Variants in CYFIP1 observed in about 807,000 individuals in gnomAD.
The protein encoded by CYFIP1 is cytoplasmic FMR1-interacting protein 1.
Under a neutral mutation model 163.5 loss-of-function variants are expected in CYFIP1, and 58 were observed. The ratio of observed to expected loss-of-function variants is 0.35; its 90% CI spans 0.29 to 0.44. The LOEUF (loss-of-function observed/expected upper bound fraction) is 0.44. CYFIP1 is among the 20% of genes least tolerant of loss of function. The pLI, the probability that CYFIP1 is intolerant of heterozygous loss-of-function variation, is 1.00. For synonymous variants in CYFIP1, 663 were observed against 660.7 expected (o/e 1.00, Z -0.05); for missense variants, 1,338 against 1,653.8 (o/e 0.81, Z 3.31).
At chr15:22,923,810 G>T (rs560578746) in intron 13 of CYFIP1, among the ~76,000 whole-genome samples, 3 of 151,948 alleles carry the variant, frequency 2.0e-5, no homozygotes, top group Admixed American at 1.3e-4. Flanking sequence ...AGGCATGGTG[G>T]TTTGTGCCTG....
chr15:22,867,377 C>A lies in CYFIP1; in HGVS notation c.*2651G>T. On this transcript the variant is annotated 3_prime_UTR_variant, in exon 31 of 31. Transcript: ENST00000617928. ...ACTAAGTTACTGAATGAAGGAACCT[C>A]TTTCTTACAAAACAAAAAAAAGGGC... The A allele has an allele frequency of 2.6e-6, 1 of 391,260 alleles. No individual in the cohort carries two copies. Among genetic ancestry groups the A allele is most frequent in the Non-Finnish European group, 4.5e-6 (1 of 222,168 alleles). The allele number at this position is 391,260 out of a possible 1,614,324, so 24.2% of individuals were successfully genotyped here.
chr15:22,947,933 A>G (rs2062115521), intron 1 of CYFIP1: 3 of 985,360 alleles, frequency 3.0e-6, no homozygotes, highest in Non-Finnish European at 1.2e-6. Context: ...CTCCAGGGAG[A>G]GGGGGCAATC....
At chr15:22,920,966 T>C (rs887335710) in intron 13 of CYFIP1, among the ~76,000 whole-genome samples, 5 of 152,196 alleles carry the variant, frequency 3.3e-5, no homozygotes, top group African/African-American at 1.2e-4. Context: ...CTGAGAGCTT[T>C]AGATGCACGC....
At chr15:22,908,348 T>C (rs562687250) in intron 21 of CYFIP1, among the ~76,000 whole-genome samples, 13 of 151,612 alleles carry the variant, frequency 8.6e-5, no homozygotes, top group South Asian at 4.2e-4. Context: ...GCGGGGAACG[T>C]TGGCCCCGAA....
At chr15:22,955,220 T>C (rs1323039555) in intron 1 of CYFIP1, among the ~76,000 whole-genome samples, 1 of 152,160 alleles carries the variant, frequency 6.6e-6, no homozygotes, top group East Asian at 1.9e-4. Context: ...TCTCAAGAAG[T>C]GGTCCTCACA....
chr15:22,885,689 C>T (rs1244210729), intron 23 of CYFIP1, among the ~76,000 whole-genome samples: 7 of 152,108 alleles, frequency 4.6e-5, no homozygotes, highest in African/African-American at 1.2e-4. Flanking sequence ...GCTGAGATTG[C>T]GCCATTGCAC....
intron 22 of CYFIP1, among the ~76,000 whole-genome samples, chr15:22,896,414 T>A (rs2060237343): frequency 6.6e-6 from 1 of 152,100 alleles, no homozygotes; most frequent in African/African-American, 2.4e-5. Context: ...AATTTTGAAA[T>A]CTTTTCTGCC....
intron 30 of CYFIP1, among the ~76,000 whole-genome samples, chr15:22,870,568 C>T (rs1005550731): frequency 3.9e-5 from 6 of 152,176 alleles, no homozygotes; most frequent in African/African-American, 1.4e-4. Context: ...TCTGCCTCAG[C>T]CTCCCAAACT....
chr15:22,913,255 G>A (rs1454956689), intron 17 of CYFIP1, among the ~76,000 whole-genome samples: 5 of 150,908 alleles, frequency 3.3e-5, no homozygotes, highest in African/African-American at 4.9e-5. Context: ...TGGACTGGGC[G>A]CGGTGACTCA....
intron 1 of CYFIP1, among the ~76,000 whole-genome samples, chr15:22,975,373 G>GGCAGGA (rs2063231134): frequency 6.8e-6 from 1 of 147,648 alleles, no homozygotes; most frequent in African/African-American, 2.5e-5. Context: ...AGGAGGCCGA[G>GGCAGGA]GCAGGAGAAT....
intron 21 of CYFIP1, among the ~76,000 whole-genome samples, chr15:22,906,263 C>T (rs1217075262): frequency 2.6e-5 from 4 of 151,130 alleles, no homozygotes; most frequent in Admixed American, 2.0e-4. Context: ...TGTGCCACCA[C>T]GCCCGGCTAA....
intron 1 of CYFIP1, among the ~76,000 whole-genome samples, chr15:22,948,817 A>AT (rs1421952062): frequency 3.9e-5 from 6 of 151,924 alleles, no homozygotes; most frequent in Middle Eastern, 3.4e-3. Flanking sequence ...GTAAAAAAAA[A>AT]AAAAAACCTC....
chr15:22,899,000 T>TAA (rs778455020), intron 22 of CYFIP1, among the ~76,000 whole-genome samples: 1 of 141,932 alleles, frequency 7.0e-6, no homozygotes, highest in African/African-American at 2.6e-5. Context: ...AGACTCTGTC[T>TAA]AAAAAAAAAA....
intron 8 of CYFIP1, among the ~76,000 whole-genome samples, chr15:22,937,828 C>T (rs2061764467): frequency 6.6e-6 from 1 of 152,060 alleles, no homozygotes; most frequent in South Asian, 2.1e-4. Context: ...TGGTGTAAAA[C>T]TCCTGACCTC....
In CYFIP1 at chr15:22,923,942, C is replaced by CAAAA. The variant is rs916058496; in HGVS notation, c.1359+2036_1359+2039dup. Among the ~76,000 whole-genome samples the CAAAA allele has an allele frequency of 2.8e-3, 173 of 61,732 alleles. 10 individuals are homozygous for CAAAA. Among genetic ancestry groups the CAAAA allele is most frequent in the East Asian group, 8.9e-3 (19 of 2,144 alleles). 40.5% of individuals were successfully genotyped at this position (61,732 alleles called of 152,430 possible). On this transcript the variant is annotated intron_variant, in intron 13 of 30. Transcript: ENST00000617928. ...GGGTGACAGAGTGAGACCTTGTCTC[C>CAAAA]AAAAAAAAAAAAAAAAAAAAAAACA...
At chr15:22,923,957 A>AAAAAAAAAAAAAAAAAAAAG (rs1555410523) in intron 13 of CYFIP1, among the ~76,000 whole-genome samples, 1 of 150,616 alleles carries the variant, frequency 6.6e-6, no homozygotes, top group African/African-American at 2.5e-5. Flanking sequence ...AAAAAAAAAA[A>AAAAAAAAAAAAAAAAAAAAG]AAAAAAAACA....
intron 13 of CYFIP1, among the ~76,000 whole-genome samples, chr15:22,922,080 G>A (rs1305620420): frequency 2.6e-5 from 4 of 152,120 alleles, no homozygotes; most frequent in Admixed American, 6.5e-5. Context: ...ATGAAACTCC[G>A]CACATCCCCA....
At chr15:22,922,998 GA>G (rs143228716) in intron 13 of CYFIP1, among the ~76,000 whole-genome samples, 40,599 of 133,820 alleles carry the variant, frequency 0.3, 5,556 homozygotes, top group South Asian at 0.41. Flanking sequence ...TCTCAAAAAA[GA>G]AAAAAAAAAA....
At chr15:22,944,794 C>CAGGGGT in intron 4 of CYFIP1, 68 bp downstream of exon 4, 2 of 1,556,498 alleles carry the variant, frequency 1.3e-6, no homozygotes, top group Non-Finnish European at 1.8e-6. Flanking sequence ...ATGGCAGGGG[C>CAGGGGT]AGGGGTGTGG....
Sources: allele counts gnomAD v4.1 joint callset (sites outside exome capture counted in the v4.1 genomes callset), GRCh38; gene constraint gnomAD v4.1.1; transcripts MANE v1.5; gene names NCBI Gene and HGNC (gene_info 2026-07-23, HGNC 2026-07-21).